The following PDE4B variants were observed in gnomAD, a reference collection of about 807,000 sequenced individuals.
PDE4B encodes the protein phosphodiesterase 4B.
A neutral mutation model predicts 82.2 loss-of-function variants in PDE4B; 20 were observed. The ratio of observed to expected loss-of-function variants is 0.24; its 90% confidence interval spans 0.17 to 0.35. The LOEUF (loss-of-function observed/expected upper bound fraction) is 0.35. PDE4B is among the 10% of genes least tolerant of loss of function. PDE4B has a pLI of 1.00. For synonymous variants in PDE4B, 320 were observed against 318.9 expected (o/e 1.00, Z -0.04); for missense variants, 655 against 907.2 (o/e 0.72, Z 3.57).
At chr1:65,857,066 G>C (rs1017198119) in intron 1 of PDE4B, among the ~76,000 whole-genome samples, 1 of 152,126 alleles carries the variant, frequency 6.6e-6, no homozygotes, top group African/African-American at 2.4e-5. Flanking sequence ...TCATGCTGGT[G>C]CCTGTTCTAG....
intron 3 of PDE4B, among the ~76,000 whole-genome samples, chr1:66,005,044 A>G (rs545544839): frequency 6.6e-6 from 1 of 152,246 alleles, no homozygotes; most frequent in Non-Finnish European, 1.5e-5. Flanking sequence ...CTTTACAGAA[A>G]GTAAGGGTAC....
chr1:65,881,528 C>T (rs1646708654), intron 1 of PDE4B, among the ~76,000 whole-genome samples: 1 of 152,140 alleles, frequency 6.6e-6, no homozygotes, highest in African/African-American at 2.4e-5. Flanking sequence ...GTTTCATAAT[C>T]TACTTCCCAG....
At chr1:65,829,279 G>A (rs1453479987) in intron 1 of PDE4B, among the ~76,000 whole-genome samples, 1 of 152,152 alleles carries the variant, frequency 6.6e-6, no homozygotes, top group Admixed American at 6.5e-5. Context: ...TCCTGAATGT[G>A]TATGCTTGTG....
At chr1:65,795,341 T>C (rs756131543) in intron 1 of PDE4B, among the ~76,000 whole-genome samples, 1 of 152,236 alleles carries the variant, frequency 6.6e-6, no homozygotes, top group African/African-American at 2.4e-5. Context: ...TATCATGTCA[T>C]ACAATTTCAC....
intron 7 of PDE4B, among the ~76,000 whole-genome samples, chr1:66,283,525 C>A (rs988197474): frequency 6.6e-6 from 1 of 150,964 alleles, no homozygotes; most frequent in African/African-American, 2.4e-5. Flanking sequence ...GCGCAAAGCC[C>A]TCTGATGGAT....
At chr1:65,847,899 G>C (rs1470777331) in intron 1 of PDE4B, among the ~76,000 whole-genome samples, 1 of 151,990 alleles carries the variant, frequency 6.6e-6, no homozygotes, top group Non-Finnish European at 1.5e-5. Flanking sequence ...TTAATGTATT[G>C]ATTAATTTTG....
At chr1:66,253,759 A>G (rs1290708325) in intron 4 of PDE4B, among the ~76,000 whole-genome samples, 12 of 152,180 alleles carry the variant, frequency 7.9e-5, no homozygotes, top group Non-Finnish European at 1.3e-4. Flanking sequence ...CTTTTCTGTT[A>G]CTTTCTATAA....
intron 3 of PDE4B, among the ~76,000 whole-genome samples, chr1:66,034,777 CT>C (rs1303110228): frequency 2.0e-5 from 3 of 152,132 alleles, no homozygotes; most frequent in African/African-American, 7.2e-5. Context: ...CTTTTTATTT[CT>C]AACTTTATTT....
At chr1:66,329,833 C>A (rs1213233138) in intron 7 of PDE4B, among the ~76,000 whole-genome samples, 1 of 152,222 alleles carries the variant, frequency 6.6e-6, no homozygotes, top group African/African-American at 2.4e-5. Context: ...CACTCCAAAT[C>A]TGGTGCTTTT....
chr1:66,320,683 A>G (rs752919345), intron 7 of PDE4B, among the ~76,000 whole-genome samples: 10 of 152,182 alleles, frequency 6.6e-5, no homozygotes, highest in Non-Finnish European at 5.9e-5. Context: ...TTGATGCACA[A>G]AAAACTAAAA....
At chr1:65,844,789 G>A (rs1208600721) in intron 1 of PDE4B, among the ~76,000 whole-genome samples, 7 of 152,152 alleles carry the variant, frequency 4.6e-5, no homozygotes, top group Non-Finnish European at 8.8e-5. Context: ...TTGGCTCAAA[G>A]CTTAGAGGTT....
At chr1:66,066,487 T>C (rs530124309) in intron 3 of PDE4B, among the ~76,000 whole-genome samples, 1 of 152,024 alleles carries the variant, frequency 6.6e-6, no homozygotes, top group Admixed American at 6.6e-5. Context: ...GATTTCGCCT[T>C]TGAATTTAAC....
intron 1 of PDE4B, among the ~76,000 whole-genome samples, chr1:65,795,965 A>G (rs1570941773): frequency 1.3e-5 from 2 of 152,342 alleles, no homozygotes; most frequent in South Asian, 2.1e-4. Flanking sequence ...ATCAAATATG[A>G]TATAGAAGAT....
At chr1:66,032,653 ATTTTT>A (rs368856631) in intron 3 of PDE4B, among the ~76,000 whole-genome samples, 4 of 110,446 alleles carry the variant, frequency 3.6e-5, no homozygotes, top group Admixed American at 9.2e-5. Flanking sequence ...CATTTATCTA[ATTTTT>A]TTTTTTTTTT....
intron 3 of PDE4B, among the ~76,000 whole-genome samples, chr1:66,096,528 A>ATGTATATATG (rs1458655207): frequency 7.1e-6 from 1 of 141,052 alleles, no homozygotes; most frequent in Non-Finnish European, 1.5e-5. Flanking sequence ...ATATATATAT[A>ATGTATATATG]TATATATATA....
chr1:66,162,551 G>A (rs1158422925), intron 3 of PDE4B, among the ~76,000 whole-genome samples: 1 of 151,960 alleles, frequency 6.6e-6, no homozygotes, highest in African/African-American at 2.4e-5. Context: ...TATGCAGGTT[G>A]AGTATCCCTT....
chr1:66,323,764 A>G (rs1452263461), intron 7 of PDE4B, among the ~76,000 whole-genome samples: 1 of 152,218 alleles, frequency 6.6e-6, no homozygotes, highest in African/African-American at 2.4e-5. Flanking sequence ...CTTATGTAAC[A>G]AAGTTTTATA....
At chr1:65,817,658 T>C (rs1645902348) in intron 1 of PDE4B, among the ~76,000 whole-genome samples, 1 of 152,204 alleles carries the variant, frequency 6.6e-6, no homozygotes, top group Non-Finnish European at 1.5e-5. Context: ...CATGAATGAA[T>C]GAAAAGAGCT....
At position 65,794,112 on chromosome 1, in the gene PDE4B, G is replaced by A. The variant is rs1037064472; in HGVS notation, c.-71+864G>A. 3.9e-5 allele frequency among the ~76,000 whole-genome samples: 6 copies of A among 152,138 alleles called. No individual in the cohort carries two copies. In the South Asian group the frequency reaches 1.2e-3, roughly 32 times the overall value. ...ATAATTTTTAGCAAGACTTTGAGACGGTCACCTAAAATTACATTGTACTTA... is the reference window on the plus strand; with the variant it reads ...ATAATTTTTAGCAAGACTTTGAGACAGTCACCTAAAATTACATTGTACTTA... On this transcript the variant is annotated intron_variant, in intron 1 of 16. Transcript: ENST00000341517.
Sources: gnomAD v4.1 joint callset for allele counts (sites outside exome capture counted in the v4.1 genomes callset) on GRCh38, gnomAD v4.1.1 for gene constraint, MANE v1.5 for transcripts, NCBI Gene and HGNC (gene_info 2026-07-23, HGNC 2026-07-21) for gene names.